The following PIP4K2C variants were observed in gnomAD, a reference collection of about 807,000 sequenced individuals.
PIP4K2C encodes the protein phosphatidylinositol-5-phosphate 4-kinase type 2 gamma.
Under a neutral mutation model 45.0 loss-of-function variants are expected in PIP4K2C, and 21 were observed. The observed-to-expected ratio is 0.47, with a 90% CI of 0.33 to 0.67. PIP4K2C has a LOEUF of 0.67. Among genes scored for constraint, PIP4K2C ranks in the 30% least tolerant of loss-of-function variants. The pLI is 0.02. For missense variants in PIP4K2C, 456 were observed against 542.8 expected (o/e 0.84, Z 1.59); for synonymous variants, 201 against 204.8 (o/e 0.98, Z 0.16).
At position 57,600,858 on chromosome 12, in the gene PIP4K2C, C is replaced by A; in HGVS notation, c.861C>A (p.Ile287=). The part of the protein sequence containing the change: ...KIMDYSLLLG[I]HDIIRGSEPE... The stretch of plus-strand genomic sequence containing the variant: ...TGGACTACAGCCTTCTGCTAGGCAT[C>A]CACGACATCATTCGGGGCTCTGAAC... The change falls in exon 8 of 10, where the codon ATC becomes ATA. Residue 287 remains isoleucine (I), a synonymous_variant. Coordinates refer to ENST00000354947, the MANE Select transcript of PIP4K2C (RefSeq NM_024779.5). 6.2e-7 allele frequency: 1 copy of A among 1,614,190 alleles called. No homozygotes were observed.
At chr12:57,596,667 T>C (rs758234541) in intron 4 of PIP4K2C, among the ~76,000 whole-genome samples, 2 of 152,206 alleles carry the variant, frequency 1.3e-5, no homozygotes, top group South Asian at 2.1e-4. Flanking sequence ...AAATATTGAA[T>C]ACCTCTTATT....
At chr12:57,595,259 C>T (rs1311741483) in intron 3 of PIP4K2C, 37 bp downstream of exon 3, 2 of 1,310,620 alleles carry the variant, frequency 1.5e-6, no homozygotes, top group East Asian at 2.3e-5. Flanking sequence ...AGCCCTTTCT[C>T]CCCAGCAACT....
chr12:57,599,736 T>C (rs1883344708), intron 6 of PIP4K2C, among the ~76,000 whole-genome samples: 2 of 152,184 alleles, frequency 1.3e-5, no homozygotes, highest in Non-Finnish European at 2.9e-5. Flanking sequence ...CATTCTGGGT[T>C]ATTTTATTCA....
rs1188991308 is a variant in PIP4K2C, at chr12:57,603,260, T to C, written c.*1654T>C. 6.6e-6 allele frequency: 1 copy of C among 152,660 alleles called. No homozygotes were observed. Among genetic ancestry groups the C allele is most frequent in the Non-Finnish European group, 1.5e-5 (1 of 68,040 alleles). 9.5% of individuals were successfully genotyped at this position (152,660 alleles called of 1,614,324 possible). A position where few individuals can be genotyped will look rare whatever the true frequency, so the allele number is the denominator to read the frequency against. On this transcript the variant is annotated 3_prime_UTR_variant, in exon 10 of 10. Coordinates refer to ENST00000354947, the MANE Select transcript of PIP4K2C (RefSeq NM_024779.5). ...TGTGACACCAGCAACCATTGCTCTT[T>C]AGAAATGGGTTTTCTGATCATATGG... is the stretch of plus-strand genomic sequence containing the variant.
chr12:57,599,873 A>G (rs1883351229), intron 6 of PIP4K2C, among the ~76,000 whole-genome samples: 1 of 152,094 alleles, frequency 6.6e-6, no homozygotes, highest in Non-Finnish European at 1.5e-5. Flanking sequence ...GAGCAACGTA[A>G]TCTCTACCAA....
chr12:57,601,386 CTATTCTTTGGGAATAG>C, intron 9 of PIP4K2C, 38 bp downstream of exon 9: 1 of 1,575,258 alleles, frequency 6.3e-7, no homozygotes, highest in South Asian at 1.1e-5. Context: ...CCTGTCTTGA[CTATTCTTTGGGAATAG>C]AGTCTCTTGT....
chr12:57,591,583 C>G, intron 1 of PIP4K2C, 120 bp downstream of exon 1: 2 of 1,202,892 alleles, frequency 1.7e-6, no homozygotes, highest in Non-Finnish European at 2.3e-6. Context: ...CCCGGGTTGT[C>G]TTGGTCCCTG....
chr12:57,599,618 G>T (rs1883340560), intron 6 of PIP4K2C, among the ~76,000 whole-genome samples, 180 bp downstream of exon 6: 1 of 152,158 alleles, frequency 6.6e-6, no homozygotes, highest in African/African-American at 2.4e-5. Flanking sequence ...TTTGGAAGGG[G>T]CAGTGGGAGC....
intron 5 of PIP4K2C, 85 bp from the exon 6 acceptor site, chr12:57,599,315 T>G: frequency 4.4e-6 from 7 of 1,605,274 alleles, no homozygotes; most frequent in Non-Finnish European, 6.0e-6. Context: ...GAAAGAAGGC[T>G]GGGTTTGAGT....
At chr12:57,593,759 C>T (rs1008628613) in intron 1 of PIP4K2C, among the ~76,000 whole-genome samples, 2 of 123,198 alleles carry the variant, frequency 1.6e-5, no homozygotes, top group Non-Finnish European at 3.2e-5. Flanking sequence ...ACAGGGTTAG[C>T]CTAATATAAA....
intron 2 of PIP4K2C, among the ~76,000 whole-genome samples, chr12:57,594,488 A>G (rs1883104308): frequency 6.6e-6 from 1 of 152,188 alleles, no homozygotes; most frequent in Admixed American, 6.5e-5. Flanking sequence ...TGCCATTCAA[A>G]ACAGTGGTGT....
At chr12:57,591,485 C>T (rs746947019) in intron 1 of PIP4K2C, 22 bp downstream of exon 1, 3 of 1,591,428 alleles carry the variant, frequency 1.9e-6, no homozygotes, top group South Asian at 1.1e-5. Context: ...CCCTAGACCC[C>T]CGCAGCCCTG....
At chr12:57,601,490 G>T (rs1378149309) in intron 9 of PIP4K2C, 36 bp from the exon 10 acceptor site, 1 of 1,583,250 alleles carries the variant, frequency 6.3e-7, no homozygotes. Flanking sequence ...GGGTGCTAGG[G>T]TGGCCTGACA....
Position 57,600,387 on chromosome 12 carries a change from G to A in PIP4K2C, c.763G>A (p.Gly255Ser), listed in dbSNP as rs1312130758. ...CAACAAGAACCAGAAAGTATATATT[G>A]GTGAAGAGGAGAAGAAAATATTTCT... is the stretch of plus-strand genomic sequence containing the variant. Reference protein sequence around the residue: ...FLNKNQKVYIGEEEKKIFLEK... With the variant: ...FLNKNQKVYISEEEKKIFLEK... The change falls in exon 7 of 10, where the codon GGT becomes AGT. Residue 255 changes from glycine (G) to serine (S), a missense_variant. Coordinates refer to ENST00000354947, the MANE Select transcript of PIP4K2C (RefSeq NM_024779.5). 6.2e-7 allele frequency: 1 copy of A among 1,611,374 alleles called. No individual in the cohort carries two copies. The highest frequency in any genetic ancestry group is 1.7e-5 in the Admixed American group (1 of 59,998).
Position 57,601,264 on chromosome 12 carries a change from C to T in PIP4K2C, c.1101C>T (p.Val367=). Residue 367 remains valine, a synonymous_variant, in exon 9 of 10, where the codon GTC becomes GTT. Transcript: ENST00000354947. ...RSAEGAPQKE[V]YFMGLIDILT... ...TCCCAGGAGCCCCCCAGAAGGAGGT[C>T]TACTTCATGGGCCTCATTGATATCC... 6.2e-7 allele frequency: 1 copy of T among 1,613,532 alleles called. No homozygotes were observed. The highest frequency in any genetic ancestry group is 8.5e-7 in the Non-Finnish European group (1 of 1,179,568).
In PIP4K2C at chr12:57,600,978, C is replaced by T; in HGVS notation, c.981C>T (p.Thr327=). The T allele has an allele frequency of 6.2e-7, 1 of 1,614,206 alleles. No individual in the cohort carries two copies. Among genetic ancestry groups the T allele is most frequent in the South Asian group, 1.1e-5 (1 of 91,086 alleles). ...CTGCTCTGGTGGGCTCCTATGGCAC[C>T]TCCCCAGAGGGTATCGGAGGCTACA... ...GPPALVGSYG[T]SPEGIGGYIH... The change falls in exon 8 of 10, where the codon ACC becomes ACT. Residue 327 remains threonine (T), a synonymous_variant. Transcript: ENST00000354947.
intron 1 of PIP4K2C, 103 bp downstream of exon 1, chr12:57,591,566 C>T: frequency 7.5e-7 from 1 of 1,338,920 alleles, no homozygotes; most frequent in Non-Finnish European, 1.0e-6. Flanking sequence ...CAGTGCCACT[C>T]CCCTCCCCCG....
intron 5 of PIP4K2C, 27 bp from the exon 6 acceptor site, chr12:57,599,373 T>C (rs1356028451): frequency 1.2e-6 from 2 of 1,613,962 alleles, no homozygotes; most frequent in African/African-American, 1.3e-5. Context: ...CCACTTCTAC[T>C]GACTTGGTGT....
At chr12:57,597,105 C>T (rs1230425651) in intron 4 of PIP4K2C, among the ~76,000 whole-genome samples, 1 of 152,078 alleles carries the variant, frequency 6.6e-6, no homozygotes, top group Non-Finnish European at 1.5e-5. Flanking sequence ...GCTTATAAGC[C>T]CCACAAAGAA....
Sources: gnomAD v4.1 joint callset for allele counts (sites outside exome capture counted in the v4.1 genomes callset) on GRCh38, gnomAD v4.1.1 for gene constraint, MANE v1.5 for transcripts, NCBI Gene and HGNC (gene_info 2026-07-23, HGNC 2026-07-21) for gene names.